The following MPP4 variants were observed in gnomAD, a reference collection of about 807,000 sequenced individuals.
MPP4 encodes MAGUK p55 scaffold protein 4.
Under a neutral mutation model 98.3 loss-of-function variants are expected in MPP4, and 91 were observed. That is an observed-to-expected ratio of 0.93 (90% CI 0.78 to 1.10). The LOEUF is 1.10. Ranked by LOEUF, MPP4 falls within the 50% of genes least tolerant of loss-of-function variation. MPP4 has a pLI of 0.00. For missense variants in MPP4, 744 were observed against 792.9 expected, an observed-to-expected ratio of 0.94 and a Z score of 0.74; for synonymous variants, 261 against 271.8, an observed-to-expected ratio of 0.96 and a Z score of 0.39.
intron 10 of MPP4, among the ~76,000 whole-genome samples, chr2:201,677,149 T>G (rs1305546945): frequency 6.6e-6 from 1 of 152,168 alleles, no homozygotes; most frequent in Non-Finnish European, 1.5e-5. Flanking sequence ...TCTCTCTCTA[T>G]CTCTGTCTCT....
At chr2:201,665,779 C>A (rs1688159497) in intron 13 of MPP4, 1 of 152,136 alleles carries the variant, frequency 6.6e-6, no homozygotes, top group Admixed American at 6.5e-5. Flanking sequence ...TCCAACTGGT[C>A]TCCTAACAAA....
intron 14 of MPP4, chr2:201,661,404 GTT>G (rs751392583): frequency 1.1e-4 from 48 of 456,388 alleles, no homozygotes; most frequent in Non-Finnish European, 1.9e-4. Flanking sequence ...AATGCCAAGG[GTT>G]CTATGCTTAG....
At chr2:201,693,765 A>T (rs1026191820) in intron 2 of MPP4, 111 bp downstream of exon 2, 18 of 1,320,610 alleles carry the variant, frequency 1.4e-5, no homozygotes, top group Non-Finnish European at 1.8e-5. Flanking sequence ...AATGTACAAG[A>T]TCCTCATAGG....
At chr2:201,647,916 T>G (rs1415297600) in intron 20 of MPP4, 91 bp from the exon 21 acceptor site, 1 of 1,286,762 alleles carries the variant, frequency 7.8e-7, no homozygotes, top group East Asian at 2.6e-5. Context: ...AGTGCTGTGG[T>G]GCAATCACAG....
At chr2:201,657,590 G>GTTTTTTTTGTTTT (rs1687884945) in intron 16 of MPP4, among the ~76,000 whole-genome samples, 1 of 91,128 alleles carries the variant, frequency 1.1e-5, no homozygotes, top group Non-Finnish European at 2.2e-5. Flanking sequence ...CCTGGCCCTT[G>GTTTTTTTTGTTTT]TTTTTTTTTT....
At chr2:201,676,039 G>A (rs1226242529) in intron 10 of MPP4, among the ~76,000 whole-genome samples, 2 of 152,156 alleles carry the variant, frequency 1.3e-5, no homozygotes, top group Admixed American at 6.5e-5. Context: ...AAGAGCCCAG[G>A]TAAGTCATAT....
intron 18 of MPP4, chr2:201,651,863 A>G (rs547838413): frequency 5.8e-6 from 2 of 347,512 alleles, no homozygotes; most frequent in Admixed American, 1.3e-4. Flanking sequence ...CTGAGGCAGG[A>G]GAATTGCTTG....
At chr2:201,664,745 A>T (rs1688124424) in intron 13 of MPP4, among the ~76,000 whole-genome samples, 3 of 152,216 alleles carry the variant, frequency 2.0e-5, no homozygotes, top group Admixed American at 6.5e-5. Flanking sequence ...GCTGCATCTA[A>T]GGTATTCTCA....
intron 17 of MPP4, among the ~76,000 whole-genome samples, chr2:201,655,568 G>A (rs1208254357): frequency 1.3e-5 from 2 of 152,188 alleles, no homozygotes; most frequent in African/African-American, 2.4e-5. Flanking sequence ...AAGGCACATC[G>A]TTCTGCTCTA....
At chr2:201,658,842 A>G (rs1266981875) in intron 15 of MPP4, among the ~76,000 whole-genome samples, 1 of 152,192 alleles carries the variant, frequency 6.6e-6, no homozygotes, top group Non-Finnish European at 1.5e-5. Flanking sequence ...CCCAGTTCTT[A>G]TGTTTTTACT....
intron 14 of MPP4, among the ~76,000 whole-genome samples, chr2:201,660,643 C>G (rs1687998959): frequency 6.6e-6 from 1 of 152,070 alleles, no homozygotes; most frequent in Non-Finnish European, 1.5e-5. Context: ...CAAAATAGGG[C>G]TTCAAAGGGA....
At chr2:201,668,106 T>C (rs2105926517) in intron 12 of MPP4, among the ~76,000 whole-genome samples, 1 of 152,290 alleles carries the variant, frequency 6.6e-6, no homozygotes, top group South Asian at 2.1e-4. Context: ...TTTTCATTTT[T>C]ATTTTACAGA....
In MPP4 at chr2:201,663,347, G is replaced by T. The variant is rs565423215; in HGVS notation, c.1072+734C>A. On this transcript the variant is annotated intron_variant, in intron 14 of 21. Coordinates refer to ENST00000409474, the MANE Select transcript of MPP4 (RefSeq NM_033066.3). ...AAATGCTCCCAAAAAGTTCCAAAATGCTACATCAGGGACAGTACTAGCCCT... is the reference window on the plus strand; with the variant it reads ...AAATGCTCCCAAAAAGTTCCAAAATTCTACATCAGGGACAGTACTAGCCCT... Among the ~76,000 whole-genome samples, 6 of 152,216 alleles carry T rather than the reference G, an allele frequency of 3.9e-5. No homozygotes were observed. In the South Asian group the frequency reaches 1.2e-3, roughly 32 times the overall value.
chr2:201,669,901 A>T (rs965180326), intron 11 of MPP4, among the ~76,000 whole-genome samples, 151 bp from the exon 12 acceptor site: 3 of 152,222 alleles, frequency 2.0e-5, no homozygotes, highest in Non-Finnish European at 2.9e-5. Context: ...TTCAGGGAAG[A>T]TTTAGTAAGA....
At chr2:201,665,065 T>TA (rs1390740444) in intron 13 of MPP4, 1 of 146,570 alleles carries the variant, frequency 6.8e-6, no homozygotes, top group African/African-American at 2.8e-5. Context: ...CATCATTGCT[T>TA]TTTTTTTTTT....
intron 16 of MPP4, among the ~76,000 whole-genome samples, chr2:201,657,609 G>T (rs6435092): frequency 0.59 from 60,643 of 103,562 alleles, 19,320 homozygotes; most frequent in African/African-American, 0.63. Context: ...TTGTTTTTTT[G>T]TTTTTTTTTG....
intron 20 of MPP4, 46 bp downstream of exon 20, chr2:201,649,530 T>C (rs1687658257): frequency 5.9e-6 from 8 of 1,351,486 alleles, no homozygotes; most frequent in Non-Finnish European, 8.3e-6. Flanking sequence ...AAATGGATGA[T>C]ACGCATTCAT....
At position 201,681,172 on chromosome 2, in the gene MPP4, T is replaced by G. The variant is rs1688655626; in HGVS notation, c.733-138A>C. 45 of 905,180 alleles carry G rather than the reference T, an allele frequency of 5.0e-5. No homozygotes were observed. The South Asian group carries it at 8.3e-4, about 17-fold the overall frequency. The allele number at this position is 905,180 out of a possible 1,614,324, so 56.1% of individuals were successfully genotyped here. Reference sequence around the variant, plus strand: ...CTACTCCTATCTTTCCTCTCCACCCTCACCAAAAAGGAGAACTCGCCTCCT... The same window carrying G: ...CTACTCCTATCTTTCCTCTCCACCCGCACCAAAAAGGAGAACTCGCCTCCT... On this transcript the variant is annotated intron_variant, in intron 9 of 21. Coordinates refer to ENST00000409474, the MANE Select transcript of MPP4 (RefSeq NM_033066.3).
Position 201,698,604 on chromosome 2 carries a change from T to C in MPP4, c.-118A>G, listed in dbSNP as rs1455293159. 1 of 1,303,972 alleles carries C rather than the reference T, an allele frequency of 7.7e-7. No individual in the cohort carries two copies. The highest frequency in any genetic ancestry group is 2.3e-5 in the Admixed American group (1 of 43,418). The allele number at this position is 1,303,972 out of a possible 1,614,324, so 80.8% of individuals were successfully genotyped here. A position where few individuals can be genotyped will look rare whatever the true frequency, so the allele number is the denominator to read the frequency against. On this transcript the variant is annotated 5_prime_UTR_variant, in exon 1 of 22. An upstream start codon of the reference 5' UTR is lost. Coordinates refer to ENST00000409474, the MANE Select transcript of MPP4 (RefSeq NM_033066.3). ...TCTCTTACCTGCAAGACTGTAAACA[T>C]GCATGTTGCTCCTATCCAGACAAAA...
Sources: allele counts gnomAD v4.1 joint callset (sites outside exome capture counted in the v4.1 genomes callset), GRCh38; gene constraint gnomAD v4.1.1; transcripts MANE v1.5; gene names NCBI Gene and HGNC (gene_info 2026-07-23, HGNC 2026-07-21).